NRG1: variants seen among roughly 807,000 people sequenced by gnomAD.
NRG1 encodes pro-neuregulin-1, membrane-bound isoform.
In NRG1, 18 loss-of-function variants were observed where a neutral mutation model predicts 63.8. The ratio of observed to expected loss-of-function variants is 0.28; its 90% confidence interval spans 0.19 to 0.42. NRG1 has a LOEUF of 0.42. NRG1 is among the 10% of genes least tolerant of loss of function. NRG1 has a pLI of 1.00. For missense variants in NRG1, 762 were observed against 814.7 expected, an observed-to-expected ratio of 0.94 and a Z score of 0.79; for synonymous variants, 302 against 301.3, an observed-to-expected ratio of 1.00 and a Z score of -0.02.
At chr8:32,314,212 G>A (rs745694737) in intron 1 of NRG1, among the ~76,000 whole-genome samples, 16 of 151,144 alleles carry the variant, frequency 1.1e-4, no homozygotes, top group Admixed American at 8.6e-4. Flanking sequence ...ATTCTTCTTC[G>A]GGGCAGAGTG....
chr8:32,717,893 G>A (rs1819645721), intron 5 of NRG1, among the ~76,000 whole-genome samples: 1 of 152,074 alleles, frequency 6.6e-6, no homozygotes, highest in Non-Finnish European at 1.5e-5. Flanking sequence ...ACACTTTTAG[G>A]GAGGCTCCTT....
chr8:31,972,686 C>T (rs367913852), intron 1 of NRG1, among the ~76,000 whole-genome samples: 24 of 152,262 alleles, frequency 1.6e-4, no homozygotes, highest in African/African-American at 5.5e-4. Flanking sequence ...GGTCTCTCAT[C>T]GCCCTTCACC....
At chr8:31,841,803 C>T (rs1373872175) in intron 1 of NRG1, among the ~76,000 whole-genome samples, 1 of 152,146 alleles carries the variant, frequency 6.6e-6, no homozygotes, top group Non-Finnish European at 1.5e-5. Context: ...ATCATAGCCC[C>T]TTCCTTACTT....
intron 1 of NRG1, among the ~76,000 whole-genome samples, chr8:31,997,679 A>G (rs1322095808): frequency 1.3e-5 from 2 of 151,980 alleles, no homozygotes; most frequent in Non-Finnish European, 2.9e-5. Context: ...TTCCCACATC[A>G]TCACACTGTC....
chr8:32,628,696 T>A (rs1293722735), intron 5 of NRG1, among the ~76,000 whole-genome samples: 3 of 151,698 alleles, frequency 2.0e-5, no homozygotes, highest in Non-Finnish European at 4.4e-5. Flanking sequence ...GCACTACATG[T>A]GTACACACAG....
At chr8:32,350,398 G>C (rs1805452673) in intron 1 of NRG1, among the ~76,000 whole-genome samples, 1 of 152,146 alleles carries the variant, frequency 6.6e-6, no homozygotes, top group African/African-American at 2.4e-5. Flanking sequence ...ACTTGGAAAA[G>C]AGCTCTCCCC....
chr8:32,755,749 A>ATT (rs112433027), intron 8 of NRG1, among the ~76,000 whole-genome samples: 1,666 of 147,462 alleles, frequency 0.011, 25 homozygotes, highest in African/African-American at 0.039. Context: ...TCTACAGCAC[A>ATT]TTTTTTTTTT....
At chr8:31,787,647 A>G (rs1820304313) in intron 1 of NRG1, among the ~76,000 whole-genome samples, 1 of 152,232 alleles carries the variant, frequency 6.6e-6, no homozygotes, top group Admixed American at 6.5e-5. Context: ...TAATATTGTT[A>G]TAAGTTGTCA....
At chr8:32,679,106 A>T (rs1363807343) in intron 5 of NRG1, among the ~76,000 whole-genome samples, 1 of 152,122 alleles carries the variant, frequency 6.6e-6, no homozygotes, top group Non-Finnish European at 1.5e-5. Context: ...AGCCTGGAAA[A>T]TATAGCAAGA....
intron 1 of NRG1, among the ~76,000 whole-genome samples, chr8:32,236,455 G>A (rs1184500234): frequency 6.6e-6 from 1 of 152,084 alleles, no homozygotes; most frequent in African/African-American, 2.4e-5. Flanking sequence ...AAACTTTATT[G>A]ATGAGTAGTA....
intron 1 of NRG1, among the ~76,000 whole-genome samples, chr8:31,654,186 A>G (rs1321627945): frequency 1.3e-5 from 2 of 152,224 alleles, no homozygotes; most frequent in African/African-American, 4.8e-5. Context: ...TGAAAAGTCC[A>G]TGAAAATGAT....
intron 1 of NRG1, among the ~76,000 whole-genome samples, chr8:31,732,989 GTCTA>G (rs1045017564): frequency 5.3e-5 from 8 of 151,994 alleles, no homozygotes; most frequent in African/African-American, 1.9e-4. Context: ...AGTTTCTATT[GTCTA>G]TCTTTTTATA....
intron 1 of NRG1, among the ~76,000 whole-genome samples, chr8:31,800,830 C>T (rs1203944988): frequency 6.9e-6 from 1 of 144,048 alleles, no homozygotes; most frequent in Non-Finnish European, 1.5e-5. Flanking sequence ...TTTCTCCAGT[C>T]TCCTTTCTTT....
intron 5 of NRG1, among the ~76,000 whole-genome samples, chr8:32,636,199 G>A (rs1350407346): frequency 6.6e-6 from 1 of 151,694 alleles, no homozygotes; most frequent in Non-Finnish European, 1.5e-5. Context: ...TTTCTTACTG[G>A]ATGTGTTCGG....
intron 1 of NRG1, among the ~76,000 whole-genome samples, chr8:32,006,140 A>G (rs1813731821): frequency 6.6e-6 from 1 of 151,998 alleles, no homozygotes; most frequent in South Asian, 2.1e-4. Flanking sequence ...TGAATGGGTC[A>G]TATTTCTCCA....
At chr8:32,002,894 G>GT (rs1200680960) in intron 1 of NRG1, among the ~76,000 whole-genome samples, 4 of 151,964 alleles carry the variant, frequency 2.6e-5, no homozygotes, top group African/African-American at 9.7e-5. Context: ...TATTCCCCTT[G>GT]TTTTTTTCTG....
At chr8:32,073,721 C>T (rs1032921212) in intron 1 of NRG1, among the ~76,000 whole-genome samples, 1 of 152,026 alleles carries the variant, frequency 6.6e-6, no homozygotes, top group Non-Finnish European at 1.5e-5. Context: ...GTCACATGTT[C>T]GTTGAATGAT....
intron 1 of NRG1, among the ~76,000 whole-genome samples, chr8:32,542,665 T>C (rs1185661857): frequency 6.6e-6 from 1 of 152,176 alleles, no homozygotes; most frequent in African/African-American, 2.4e-5. Flanking sequence ...AAGGAGGCCT[T>C]TGTGCAGGAA....
chr8:32,315,481 A>G (rs1236747598), intron 1 of NRG1, among the ~76,000 whole-genome samples: 2 of 152,206 alleles, frequency 1.3e-5, no homozygotes, highest in Non-Finnish European at 2.9e-5. Flanking sequence ...TCTATCATTA[A>G]TGGGCATTTG....
Sources: gnomAD v4.1 joint callset for allele counts (sites outside exome capture counted in the v4.1 genomes callset) on GRCh38, gnomAD v4.1.1 for gene constraint, MANE v1.5 for transcripts, NCBI Gene and HGNC (gene_info 2026-07-23, HGNC 2026-07-21) for gene names.